The following TLL1 variants were observed in gnomAD, a reference collection of about 807,000 sequenced individuals.
TLL1 encodes tolloid like 1.
A neutral mutation model predicts 128.2 loss-of-function variants in TLL1; 49 were observed. The ratio of observed to expected loss-of-function variants is 0.38; its 90% CI spans 0.30 to 0.48. The LOEUF (loss-of-function observed/expected upper bound fraction) is 0.48, where lower values mean the gene tolerates loss of function less well. Among genes scored for constraint, TLL1 ranks in the 20% least tolerant of loss-of-function variants. TLL1 has a pLI of 0.96. For missense variants in TLL1, 1,123 were observed against 1,242.0 expected, an observed-to-expected ratio of 0.90 and a Z score of 1.44; for synonymous variants, 454 against 418.8, an observed-to-expected ratio of 1.08 and a Z score of -1.03.
intron 16 of TLL1, among the ~76,000 whole-genome samples, chr4:166,072,966 C>T (rs756773240): frequency 9.2e-5 from 14 of 152,240 alleles, no homozygotes; most frequent in Admixed American, 2.6e-4. Context: ...CTCTCAAAAG[C>T]CTGGTTGACC....
At chr4:165,897,402 A>G (rs560448052) in intron 1 of TLL1, among the ~76,000 whole-genome samples, 2 of 152,300 alleles carry the variant, frequency 1.3e-5, no homozygotes, top group South Asian at 2.1e-4. Flanking sequence ...TAAGTTTTGT[A>G]TAAGGTGTAA....
chr4:166,001,719 C>A (rs1455175457), intron 5 of TLL1, among the ~76,000 whole-genome samples: 1 of 151,278 alleles, frequency 6.6e-6, no homozygotes, highest in Non-Finnish European at 1.5e-5. Context: ...ATCACTTGAA[C>A]CTGGGAGGCA....
chr4:166,047,499 A>G (rs1028559764), intron 12 of TLL1, among the ~76,000 whole-genome samples: 1 of 145,690 alleles, frequency 6.9e-6, no homozygotes, highest in African/African-American at 2.5e-5. Context: ...AATATAATAT[A>G]TAATTAATAA....
At chr4:166,036,706 G>A (rs904018098) in intron 9 of TLL1, among the ~76,000 whole-genome samples, 2 of 151,682 alleles carry the variant, frequency 1.3e-5, no homozygotes, top group African/African-American at 2.4e-5. Flanking sequence ...GGCCAGTTAT[G>A]TTCCTCCATG....
rs1736670261 is a variant in TLL1, at chr4:165,992,155, G to GT, written c.281-643dup. On this transcript the variant is annotated intron_variant, in intron 2 of 20. Transcript: ENST00000061240. ...GCACTACAGACTTTTTTTACACTCT[G>GT]TTTTTTATAAATTTTTCAAATTACA... 5.3e-5 allele frequency among the ~76,000 whole-genome samples: 8 copies of GT among 151,934 alleles called. No individual in the cohort carries two copies. The South Asian group carries it at 1.5e-3, about 28-fold the overall frequency.
intron 19 of TLL1, among the ~76,000 whole-genome samples, chr4:166,098,458 C>A (rs942819045): frequency 1.3e-5 from 2 of 149,910 alleles, no homozygotes; most frequent in African/African-American, 4.9e-5. Context: ...TTATTTATTT[C>A]TTTGGTGTAT....
chr4:165,984,505 T>G (rs112794943), intron 1 of TLL1, among the ~76,000 whole-genome samples: 5 of 152,076 alleles, frequency 3.3e-5, no homozygotes, highest in African/African-American at 1.2e-4. Context: ...AAATTTTCAT[T>G]ATGCCTTCAT....
Position 165,989,504 on chromosome 4 carries a change from G to A in TLL1, c.280+13G>A, listed in dbSNP as rs116084316. 3.2e-4 allele frequency: 516 copies of A among 1,592,324 alleles called. 1 individual carries two copies. In the African/African-American group the frequency reaches 6.4e-3, roughly 20 times the overall value. On this transcript the variant is annotated intron_variant, in intron 2 of 20. Transcript: ENST00000061240. The stretch of plus-strand genomic sequence containing the variant: ...GGACATACCACAGGTATGGTTGATT[G>A]TTTCAGAAAATTTGTCTTTATTTTG...
In TLL1 at chr4:165,896,960, G is replaced by T. The variant is rs572412475; in HGVS notation, c.169+22887G>T. Among the ~76,000 whole-genome samples, 5 of 152,224 alleles carry T rather than the reference G, an allele frequency of 3.3e-5. No homozygotes were observed. In the South Asian group the frequency reaches 1.0e-3, roughly 32 times the overall value. ...TCACTATTCTAATTGATGTGAGATG[G>T]TATCTCATTGTGGTTTTGATTTGCA... On this transcript the variant is annotated intron_variant, in intron 1 of 20. Transcript: ENST00000061240.
At chr4:165,936,753 C>A (rs985219113) in intron 1 of TLL1, among the ~76,000 whole-genome samples, 3 of 151,896 alleles carry the variant, frequency 2.0e-5, no homozygotes, top group Admixed American at 6.6e-5. Context: ...CATGGTGAAA[C>A]CTTGTCTCTA....
chr4:165,966,396 T>A (rs1219008926), intron 1 of TLL1, among the ~76,000 whole-genome samples: 1 of 152,090 alleles, frequency 6.6e-6, no homozygotes, highest in East Asian at 1.9e-4. Context: ...GATTTATGGG[T>A]TCTGTCATCA....
intron 11 of TLL1, among the ~76,000 whole-genome samples, chr4:166,042,980 G>A (rs1030675900): frequency 6.6e-6 from 1 of 152,212 alleles, no homozygotes; most frequent in East Asian, 1.9e-4. Flanking sequence ...AACTCACAGA[G>A]AATAAATTCA....
chr4:165,878,561 G>A (rs1215826977), intron 1 of TLL1, among the ~76,000 whole-genome samples: 1 of 151,980 alleles, frequency 6.6e-6, no homozygotes, highest in African/African-American at 2.4e-5. Flanking sequence ...GTTGTTAGGT[G>A]TGAAAAAGAT....
intron 1 of TLL1, among the ~76,000 whole-genome samples, chr4:165,882,070 GA>G (rs1730990937): frequency 6.6e-6 from 1 of 152,146 alleles, no homozygotes; most frequent in Non-Finnish European, 1.5e-5. Flanking sequence ...ATGCCTTTGA[GA>G]AAACAAATAT....
At chr4:165,946,803 A>G (rs984108085) in intron 1 of TLL1, among the ~76,000 whole-genome samples, 1 of 152,134 alleles carries the variant, frequency 6.6e-6, no homozygotes, top group Non-Finnish European at 1.5e-5. Context: ...GAAAAAGCCT[A>G]GATTACCTTG....
Position 165,959,764 on chromosome 4 carries a change from G to T in TLL1, c.170-29617G>T, listed in dbSNP as rs913102258. Among the ~76,000 whole-genome samples, 3 of 152,124 alleles carry T rather than the reference G, an allele frequency of 2.0e-5. No individual in the cohort carries two copies. In the East Asian group the frequency reaches 5.8e-4, roughly 29 times the overall value. ...GACTTGGATGAAACACACAATTAAG[G>T]CAGAAATAAAAAAGTTATTTGAAAT... On this transcript the variant is annotated intron_variant, in intron 1 of 20. Transcript: ENST00000061240.
chr4:165,932,244 T>G (rs2110907916), intron 1 of TLL1, among the ~76,000 whole-genome samples: 1 of 152,338 alleles, frequency 6.6e-6, no homozygotes, highest in East Asian at 1.9e-4. Flanking sequence ...CTGTTTCAGC[T>G]ATTTGACATG....
intron 1 of TLL1, among the ~76,000 whole-genome samples, chr4:165,951,643 G>A (rs753391337): frequency 1.9e-4 from 29 of 152,144 alleles, no homozygotes; most frequent in Non-Finnish European, 2.9e-4. Flanking sequence ...TAGTACTTAT[G>A]TGGAGGAGAA....
intron 1 of TLL1, among the ~76,000 whole-genome samples, chr4:165,889,057 A>G (rs1731281225): frequency 6.6e-6 from 1 of 152,188 alleles, no homozygotes; most frequent in Admixed American, 6.5e-5. Flanking sequence ...TGATACATTC[A>G]GGGCTTTAAA....
Sources: gnomAD v4.1 joint callset for allele counts (sites outside exome capture counted in the v4.1 genomes callset) on GRCh38, gnomAD v4.1.1 for gene constraint, MANE v1.5 for transcripts, NCBI Gene and HGNC (gene_info 2026-07-23, HGNC 2026-07-21) for gene names.